LRBA: variants seen among roughly 807,000 people sequenced by gnomAD.
LRBA encodes the protein lipopolysaccharide-responsive and beige-like anchor protein.
In LRBA, 176 loss-of-function variants were observed where a neutral mutation model predicts 330.0. The observed-to-expected ratio is 0.53, with a 90% CI of 0.47 to 0.60. LRBA has a LOEUF of 0.60. LRBA is among the 20% of genes least tolerant of loss of function. The pLI is 0.00. For synonymous variants in LRBA, 1,230 were observed against 1,193.0 expected (o/e 1.03, Z -0.64); for missense variants, 3,259 against 3,444.8 (o/e 0.95, Z 1.35).
At chr4:150,685,069 A>C (rs374339457) in intron 36 of LRBA, among the ~76,000 whole-genome samples, 7 of 152,046 alleles carry the variant, frequency 4.6e-5, no homozygotes, top group Admixed American at 2.0e-4. Context: ...GGTGTAAAAG[A>C]AGCAGCAAAT....
intron 40 of LRBA, among the ~76,000 whole-genome samples, chr4:150,537,761 C>CTGG (rs1412397166): frequency 3.9e-5 from 6 of 152,104 alleles, no homozygotes; most frequent in Non-Finnish European, 1.5e-5. Context: ...CAGGACCAGC[C>CTGG]TGAACAACAT....
chr4:150,772,194 C>G (rs992374427), intron 34 of LRBA, among the ~76,000 whole-genome samples: 4 of 152,128 alleles, frequency 2.6e-5, no homozygotes, highest in African/African-American at 9.7e-5. Flanking sequence ...CACTACAGTC[C>G]ATCAGGGATG....
At chr4:150,859,959 A>G (rs2126952678) in intron 22 of LRBA, among the ~76,000 whole-genome samples, 1 of 152,320 alleles carries the variant, frequency 6.6e-6, no homozygotes, top group Non-Finnish European at 1.5e-5. Context: ...TGTTCCAATA[A>G]TTCCAGTGGA....
chr4:150,815,289 G>T (rs1172744444), intron 31 of LRBA, among the ~76,000 whole-genome samples: 2 of 151,150 alleles, frequency 1.3e-5, no homozygotes, highest in Non-Finnish European at 3.0e-5. Context: ...TTGGATGGGG[G>T]TGGAGAAGCG....
intron 44 of LRBA, among the ~76,000 whole-genome samples, chr4:150,451,538 T>G (rs1351787405): frequency 6.6e-6 from 1 of 152,176 alleles, no homozygotes; most frequent in Non-Finnish European, 1.5e-5. Context: ...AAAAATGTGT[T>G]GGACCCAGCT....
intron 22 of LRBA, among the ~76,000 whole-genome samples, chr4:150,865,933 C>T (rs1312505326): frequency 6.6e-6 from 1 of 152,152 alleles, no homozygotes; most frequent in East Asian, 1.9e-4. Context: ...CCAGGCTAGT[C>T]TCCAACTTTT....
intron 42 of LRBA, among the ~76,000 whole-genome samples, chr4:150,473,864 A>G (rs986940250): frequency 2.0e-5 from 3 of 152,202 alleles, no homozygotes; most frequent in Non-Finnish European, 4.4e-5. Context: ...TGAAGAATGC[A>G]GACTAATAAA....
chr4:150,354,714 G>A (rs138049726), intron 47 of LRBA, among the ~76,000 whole-genome samples: 30 of 151,980 alleles, frequency 2.0e-4, no homozygotes, highest in East Asian at 1.2e-3. Context: ...CTGTCTTGGC[G>A]CTGATATCTG....
At chr4:150,685,359 G>A (rs1278870486) in intron 36 of LRBA, among the ~76,000 whole-genome samples, 1 of 105,548 alleles carries the variant, frequency 9.5e-6, no homozygotes, top group African/African-American at 3.8e-5. Flanking sequence ...TCCTTTGCAT[G>A]GTGTATATGT....
At position 150,994,725 on chromosome 4, in the gene LRBA, G is replaced by C. The variant is rs541014827; in HGVS notation, c.216+19702C>G. 8.7e-4 allele frequency among the ~76,000 whole-genome samples: 133 copies of C among 152,296 alleles called. 1 individual carries two copies. Among genetic ancestry groups the C allele is most frequent in the African/African-American group, 3.1e-3 (130 of 41,568 alleles). Reference sequence around the variant, plus strand: ...AGAATGAAGAAGAGGGTCATACAGAGAACTGGGGGAAGAAATCAGATCCAT... The same window carrying C: ...AGAATGAAGAAGAGGGTCATACAGACAACTGGGGGAAGAAATCAGATCCAT... On this transcript the variant is annotated intron_variant, in intron 2 of 56. Coordinates refer to ENST00000651943, the MANE Select transcript of LRBA (RefSeq NM_001364905.1).
intron 47 of LRBA, among the ~76,000 whole-genome samples, chr4:150,368,561 T>G (rs1739827092): frequency 6.6e-6 from 1 of 152,164 alleles, no homozygotes; most frequent in Non-Finnish European, 1.5e-5. Context: ...TGTAACAATC[T>G]AAGGAATACT....
At chr4:150,325,294 T>C (rs1353768729) in intron 49 of LRBA, among the ~76,000 whole-genome samples, 1 of 152,158 alleles carries the variant, frequency 6.6e-6, no homozygotes, top group Non-Finnish European at 1.5e-5. Context: ...AGAAATACAA[T>C]ACATGATTGT....
In LRBA at chr4:150,636,644, C is replaced by A. The variant is rs561312039; in HGVS notation, c.5922-37513G>T. Among the ~76,000 whole-genome samples the A allele has an allele frequency of 3.3e-5, 5 of 152,236 alleles. No individual in the cohort carries two copies. In the South Asian group the frequency reaches 1.0e-3, roughly 32 times the overall value. On this transcript the variant is annotated intron_variant, in intron 37 of 56. Transcript: ENST00000651943. The stretch of plus-strand genomic sequence containing the variant: ...AGTGGACAAAGCTAGGAAATATATC[C>A]AGCTGGGCACGATGGCTCATGCCCG...
chr4:150,429,182 G>A (rs72955849), intron 46 of LRBA, among the ~76,000 whole-genome samples: 2,473 of 151,996 alleles, frequency 0.016, 56 homozygotes, highest in African/African-American at 0.052. Context: ...TGAGGTGATG[G>A]GGGCAATTTT....
chr4:150,270,403 A>AAAGT (rs1745918527), intron 56 of LRBA, among the ~76,000 whole-genome samples: 1 of 152,248 alleles, frequency 6.6e-6, no homozygotes, highest in South Asian at 2.1e-4. Context: ...AAGAACCTTG[A>AAAGT]AAGTGTTATG....
chr4:150,365,170 C>T (rs183352748), intron 47 of LRBA, among the ~76,000 whole-genome samples: 95 of 152,016 alleles, frequency 6.2e-4, no homozygotes, highest in African/African-American at 2.2e-3. Flanking sequence ...CCACACCCGG[C>T]GAATTTTTTT....
At chr4:150,470,729 C>T (rs1399007727) in intron 43 of LRBA, among the ~76,000 whole-genome samples, 3 of 152,040 alleles carry the variant, frequency 2.0e-5, no homozygotes, top group African/African-American at 7.2e-5. Flanking sequence ...TTCTCATTTA[C>T]CACCTACATT....
At chr4:150,643,653 TC>T (rs1481463258) in intron 37 of LRBA, among the ~76,000 whole-genome samples, 2 of 152,014 alleles carry the variant, frequency 1.3e-5, no homozygotes, top group Non-Finnish European at 2.9e-5. Flanking sequence ...GATCAGATCA[TC>T]CAGGGCTTTG....
intron 40 of LRBA, among the ~76,000 whole-genome samples, chr4:150,542,988 C>T (rs1313267132): frequency 1.3e-5 from 2 of 152,172 alleles, no homozygotes; most frequent in South Asian, 2.1e-4. Flanking sequence ...AAATAAATTG[C>T]CATCTTTATT....
Sources: allele counts gnomAD v4.1 joint callset (sites outside exome capture counted in the v4.1 genomes callset), GRCh38; gene constraint gnomAD v4.1.1; transcripts MANE v1.5; gene names NCBI Gene and HGNC (gene_info 2026-07-23, HGNC 2026-07-21).